Variants in MYT1L observed in about 807,000 individuals in gnomAD.
MYT1L encodes myelin transcription factor 1 like.
In MYT1L, 12 loss-of-function variants were observed where a neutral mutation model predicts 126.7. The observed-to-expected ratio is 0.09, with a 90% CI of 0.06 to 0.15. The LOEUF (loss-of-function observed/expected upper bound fraction) is 0.15. Among genes scored for constraint, MYT1L ranks in the 10% least tolerant of loss-of-function variants. The pLI is 1.00. For synonymous variants in MYT1L, 541 were observed against 604.2 expected (o/e 0.90, Z 1.53); for missense variants, 979 against 1,585.2 (o/e 0.62, Z 6.49).
At chr2:1,950,295 T>C (rs1049804944) in intron 8 of MYT1L, among the ~76,000 whole-genome samples, 2 of 152,182 alleles carry the variant, frequency 1.3e-5, no homozygotes, top group African/African-American at 4.8e-5. Context: ...TAAATAAGAA[T>C]ATCTATTTTT....
intron 1 of MYT1L, among the ~76,000 whole-genome samples, chr2:2,294,743 G>A (rs1341273206): frequency 6.6e-6 from 1 of 152,176 alleles, no homozygotes; most frequent in Non-Finnish European, 1.5e-5. Context: ...GTCAGCGGAT[G>A]CTCATTTCAC....
At chr2:2,197,680 T>C (rs2092869128) in intron 2 of MYT1L, among the ~76,000 whole-genome samples, 1 of 151,244 alleles carries the variant, frequency 6.6e-6, no homozygotes, top group African/African-American at 2.4e-5. Flanking sequence ...TATAAACACA[T>C]GTATACATAC....
rs2035667668 is a variant in MYT1L at position 1,806,104 on chromosome 2, G to T, written c.3172+2972C>A. ...CTGATGAGCAGCAGGAAAGGTCCCT[G>T]GACCCTTCCTGGATTAGCTACACAG... On this transcript the variant is annotated intron_variant, in intron 22 of 24. Coordinates refer to ENST00000647738, the MANE Select transcript of MYT1L (RefSeq NM_001303052.2). The surrounding 1 kb of genome is among the most constrained non-coding windows in gnomAD (Gnocchi z 4.9). Among the ~76,000 whole-genome samples, 1 of 152,064 alleles carries T rather than the reference G, an allele frequency of 6.6e-6. No individual in the cohort carries two copies. The highest frequency in any genetic ancestry group is 2.1e-4 in the South Asian group (1 of 4,806).
intron 8 of MYT1L, among the ~76,000 whole-genome samples, chr2:1,974,050 C>T (rs766325392): frequency 2.0e-5 from 3 of 152,200 alleles, no homozygotes; most frequent in Non-Finnish European, 4.4e-5. Context: ...GACGGTACAC[C>T]GGGACAGCTT....
chr2:1,937,199 G>A lies in MYT1L; in HGVS notation c.505+5783C>T, dbSNP rs552433724. Among the ~76,000 whole-genome samples the A allele has an allele frequency of 5.3e-5, 8 of 152,278 alleles. No homozygotes were observed. In the South Asian group the frequency reaches 1.4e-3, roughly 28 times the overall value. On this transcript the variant is annotated intron_variant, in intron 9 of 24. Coordinates refer to ENST00000647738, the MANE Select transcript of MYT1L (RefSeq NM_001303052.2). ...CAAAAGCAGCCCCTGCTTCCTGTTC[G>A]ACTCCCCTGACCCCCACATCGACTC...
intron 18 of MYT1L, among the ~76,000 whole-genome samples, chr2:1,854,701 T>C (rs2043684912): frequency 6.6e-6 from 1 of 152,284 alleles, no homozygotes; most frequent in Admixed American, 6.5e-5. Flanking sequence ...TTCCAGGATT[T>C]CGAGTTGGGC....
intron 11 of MYT1L, among the ~76,000 whole-genome samples, chr2:1,916,983 C>A (rs961085126): frequency 6.6e-6 from 1 of 152,190 alleles, no homozygotes; most frequent in Non-Finnish European, 1.5e-5. Flanking sequence ...TGTGCAGGAG[C>A]TTTGTTAGGG....
At chr2:1,967,064 G>A (rs551645477) in intron 8 of MYT1L, among the ~76,000 whole-genome samples, 15 of 152,050 alleles carry the variant, frequency 9.9e-5, no homozygotes, top group South Asian at 6.2e-4. Context: ...TTGGTTACAC[G>A]GATGAATTGT....
chr2:1,928,783 C>T (rs1345861656), intron 9 of MYT1L, among the ~76,000 whole-genome samples: 1 of 152,138 alleles, frequency 6.6e-6, no homozygotes, highest in Non-Finnish European at 1.5e-5. Context: ...TGCCATCCAC[C>T]AGGATCCTGA....
chr2:1,878,418 ATATT>A (rs1395097441), intron 18 of MYT1L, among the ~76,000 whole-genome samples: 3 of 152,204 alleles, frequency 2.0e-5, no homozygotes, highest in Admixed American at 6.5e-5. Context: ...CAGAAATGGA[ATATT>A]CCTACACGTT....
At chr2:1,958,057 C>T (rs2058654545) in intron 8 of MYT1L, among the ~76,000 whole-genome samples, 1 of 152,164 alleles carries the variant, frequency 6.6e-6, no homozygotes, top group Admixed American at 6.5e-5. Context: ...TGCGTTTTTG[C>T]TGGAGTGTCT....
At chr2:1,990,015 A>T (rs750703409) in intron 5 of MYT1L, among the ~76,000 whole-genome samples, 1 of 152,210 alleles carries the variant, frequency 6.6e-6, no homozygotes, top group Non-Finnish European at 1.5e-5. Context: ...ACCAAACAAC[A>T]ACAAAAACCA....
At chr2:2,134,151 T>C (rs577231090) in intron 3 of MYT1L, among the ~76,000 whole-genome samples, 11 of 152,250 alleles carry the variant, frequency 7.2e-5, no homozygotes, top group South Asian at 4.1e-4. Context: ...GCCCAGTACA[T>C]TGTGTGTCCA....
At chr2:2,132,540 C>T (rs1271256221) in intron 3 of MYT1L, among the ~76,000 whole-genome samples, 3 of 128,458 alleles carry the variant, frequency 2.3e-5, no homozygotes, top group Non-Finnish European at 4.6e-5. Context: ...CACATGGACA[C>T]AGAGAGGGGA....
At chr2:2,295,663 CAGAG>C (rs377336266) in intron 1 of MYT1L, among the ~76,000 whole-genome samples, 577 of 31,872 alleles carry the variant, frequency 0.018, 42 homozygotes, top group East Asian at 0.17. Context: ...GACAGACAGA[CAGAG>C]AGAGAGAGAG....
chr2:2,317,247 C>T (rs2096081261), intron 1 of MYT1L, among the ~76,000 whole-genome samples: 1 of 152,126 alleles, frequency 6.6e-6, no homozygotes, highest in African/African-American at 2.4e-5. Flanking sequence ...TACTCAGGTT[C>T]CTGGTGTTGG....
intron 2 of MYT1L, among the ~76,000 whole-genome samples, chr2:2,260,763 A>G (rs1318117100): frequency 6.6e-6 from 1 of 151,982 alleles, no homozygotes; most frequent in African/African-American, 2.4e-5. Context: ...TGCAATTGGA[A>G]TATATTTCCC....
At chr2:1,975,247 T>TGCCAGATCCCACTGCCAGATCCCACC (rs11127295) in intron 8 of MYT1L, among the ~76,000 whole-genome samples, 28,532 of 149,632 alleles carry the variant, frequency 0.19, 4,053 homozygotes, top group African/African-American at 0.41. Context: ...CCAAACAGAC[T>TGCCAGATCCCACTGCCAGATCCCACC]GCCAGATCCC....
intron 4 of MYT1L, among the ~76,000 whole-genome samples, chr2:2,048,132 CG>C (rs778575028): frequency 6.6e-6 from 1 of 152,044 alleles, no homozygotes. Context: ...TTTTGTGAAG[CG>C]GGGATAGAGC....
Sources: allele counts gnomAD v4.1 joint callset (sites outside exome capture counted in the v4.1 genomes callset), GRCh38; gene constraint gnomAD v4.1.1; non-coding constraint Gnocchi (gnomAD v3.1); transcripts MANE v1.5; gene names NCBI Gene and HGNC (gene_info 2026-07-23, HGNC 2026-07-21).